ZNF804B: variants seen among roughly 807,000 people sequenced by gnomAD.
ZNF804B encodes zinc finger protein 804B, also known as zinc finger 804B.
ZNF804B carries 80 observed loss-of-function variants against 101.4 expected under a neutral mutation model. That is an observed-to-expected ratio of 0.79 (90% CI 0.66 to 0.95). The LOEUF is 0.95. ZNF804B is among the 40% of genes least tolerant of loss of function. The probability of loss-of-function intolerance (pLI) is 0.00; values close to 1 mark genes in which losing one functional copy is unlikely to be tolerated. For synonymous variants in ZNF804B, 622 were observed against 558.8 expected (o/e 1.11, Z -1.59); for missense variants, 1,673 against 1,561.9 (o/e 1.07, Z -1.20).
intron 1 of ZNF804B, among the ~76,000 whole-genome samples, chr7:89,212,611 A>G (rs75411043): frequency 0.036 from 5,448 of 152,228 alleles, 303 homozygotes; most frequent in African/African-American, 0.12. Context: ...AAGTGCTACT[A>G]CAAAACAGGA....
At position 89,238,936 on chromosome 7, in the gene ZNF804B, T is replaced by C. The variant is rs117050243; in HGVS notation, c.249+20641T>C. Among the ~76,000 whole-genome samples, 16 of 152,290 alleles carry C rather than the reference T, an allele frequency of 1.1e-4. No homozygotes were observed. In the East Asian group the frequency reaches 2.9e-3, roughly 28 times the overall value. On this transcript the variant is annotated intron_variant, in intron 2 of 3. Coordinates refer to ENST00000333190, the MANE Select transcript of ZNF804B (RefSeq NM_181646.5). ...TTAAAGCTTCAGTTGTTGGAAAATA[T>C]CTTTTCCATTGAGCTTCAAGTCTAC... is the stretch of plus-strand genomic sequence containing the variant.
intron 1 of ZNF804B, among the ~76,000 whole-genome samples, chr7:88,884,419 TTATATC>T (rs1297513234): frequency 1.3e-5 from 2 of 151,888 alleles, no homozygotes; most frequent in East Asian, 1.9e-4. Flanking sequence ...TTATTTTGCT[TTATATC>T]TATATATCTA....
At chr7:89,283,887 A>G (rs1790136452) in intron 2 of ZNF804B, among the ~76,000 whole-genome samples, 1 of 152,150 alleles carries the variant, frequency 6.6e-6, no homozygotes, top group South Asian at 2.1e-4. Flanking sequence ...TGGTTTAAAA[A>G]ACTTCAAGTC....
At chr7:88,990,327 A>C (rs1317467172) in intron 1 of ZNF804B, among the ~76,000 whole-genome samples, 4 of 152,030 alleles carry the variant, frequency 2.6e-5, no homozygotes, top group Non-Finnish European at 4.4e-5. Context: ...AAATAAGTGG[A>C]TTGTATCCTT....
intron 1 of ZNF804B, among the ~76,000 whole-genome samples, chr7:88,914,267 A>C (rs906016015): frequency 1.3e-5 from 2 of 152,202 alleles, no homozygotes; most frequent in Non-Finnish European, 2.9e-5. Context: ...AGGGTAATCT[A>C]AAATGGCTTA....
chr7:89,316,825 C>T (rs530475312), intron 2 of ZNF804B, among the ~76,000 whole-genome samples: 1 of 151,798 alleles, frequency 6.6e-6, no homozygotes, highest in Admixed American at 6.6e-5. Flanking sequence ...CTGAGCAGCA[C>T]GGAGGCATGA....
At chr7:89,278,490 C>G (rs139061821) in intron 2 of ZNF804B, among the ~76,000 whole-genome samples, 2 of 150,698 alleles carry the variant, frequency 1.3e-5, no homozygotes, top group East Asian at 3.9e-4. Flanking sequence ...TTAGGTCTAA[C>G]GTTTCAGTCT....
chr7:89,183,193 T>C (rs1788324549), intron 1 of ZNF804B, among the ~76,000 whole-genome samples: 2 of 151,752 alleles, frequency 1.3e-5, no homozygotes, highest in African/African-American at 2.4e-5. Flanking sequence ...AGAAAAAAAA[T>C]GGGTATTAAT....
At chr7:89,018,684 T>C (rs1409754939) in intron 1 of ZNF804B, among the ~76,000 whole-genome samples, 1 of 152,110 alleles carries the variant, frequency 6.6e-6, no homozygotes, top group Non-Finnish European at 1.5e-5. Flanking sequence ...CTTCTTAGTA[T>C]TGGTCTGTTC....
In ZNF804B at chr7:88,761,415, T is replaced by C. The variant is rs1215380187; in HGVS notation, c.108+1331T>C. 2.0e-5 allele frequency among the ~76,000 whole-genome samples: 3 copies of C among 152,272 alleles called. No individual in the cohort carries two copies. In the East Asian group the frequency reaches 5.8e-4, roughly 29 times the overall value. On this transcript the variant is annotated intron_variant, in intron 1 of 3. Coordinates refer to ENST00000333190, the MANE Select transcript of ZNF804B (RefSeq NM_181646.5). ...TTAGCAGGCACTTGCAGAGTTCTAG[T>C]TTAATAAAGCCCACATTCAGTCCCT...
intron 3 of ZNF804B, among the ~76,000 whole-genome samples, chr7:89,333,161 A>G (rs1339769721): frequency 6.6e-6 from 1 of 151,986 alleles, no homozygotes; most frequent in African/African-American, 2.4e-5. Context: ...ATTGCAAAAT[A>G]CTACATGTAA....
At chr7:88,899,026 A>G (rs1792350161) in intron 1 of ZNF804B, among the ~76,000 whole-genome samples, 1 of 152,154 alleles carries the variant, frequency 6.6e-6, no homozygotes, top group Non-Finnish European at 1.5e-5. Context: ...ATGCAGGTAC[A>G]CATCCCCATC....
At chr7:88,980,822 G>T (rs1793683623) in intron 1 of ZNF804B, among the ~76,000 whole-genome samples, 1 of 152,010 alleles carries the variant, frequency 6.6e-6, no homozygotes, top group South Asian at 2.1e-4. Context: ...CCTTGCTACT[G>T]CTGATGTTCA....
intron 1 of ZNF804B, among the ~76,000 whole-genome samples, chr7:89,096,020 TG>T (rs1456755966): frequency 6.6e-6 from 1 of 151,884 alleles, no homozygotes; most frequent in Non-Finnish European, 1.5e-5. Context: ...CCGGGCATGG[TG>T]GCGGGTGCCT....
rs1461334294 is a variant in ZNF804B at position 89,193,485 on chromosome 7, C to T, written c.109-24670C>T. On this transcript the variant is annotated intron_variant, in intron 1 of 3. Coordinates refer to ENST00000333190, the MANE Select transcript of ZNF804B (RefSeq NM_181646.5). ...CCCTCCCCCCACCCCACAACAGTCC[C>T]CAGAGTGTGATGTTCCCCTTCATGT... Among the ~76,000 whole-genome samples, 4 of 129,826 alleles carry T rather than the reference C, an allele frequency of 3.1e-5. No homozygotes were observed. In the South Asian group the frequency reaches 1.2e-3, roughly 38 times the overall value. 85.2% of individuals were successfully genotyped at this position (129,826 alleles called of 152,430 possible).
At chr7:88,846,280 A>G (rs1328028559) in intron 1 of ZNF804B, among the ~76,000 whole-genome samples, 1 of 152,236 alleles carries the variant, frequency 6.6e-6, no homozygotes, top group African/African-American at 2.4e-5. Flanking sequence ...GGTAGGTACT[A>G]GATATGCTTA....
At chr7:89,007,784 C>T (rs28378812) in intron 1 of ZNF804B, among the ~76,000 whole-genome samples, 18,527 of 150,474 alleles carry the variant, frequency 0.12, 1,697 homozygotes, top group East Asian at 0.28. Context: ...TTATTTAACT[C>T]ATTAATTAAT....
intron 2 of ZNF804B, among the ~76,000 whole-genome samples, chr7:89,313,575 A>G (rs1790676367): frequency 6.6e-6 from 1 of 152,174 alleles, no homozygotes. Flanking sequence ...TTCTTCACTT[A>G]TTTATTCACA....
intron 1 of ZNF804B, among the ~76,000 whole-genome samples, chr7:88,874,283 G>A (rs1791887568): frequency 1.3e-5 from 2 of 152,010 alleles, no homozygotes; most frequent in South Asian, 4.2e-4. Flanking sequence ...TCTGTTGTTG[G>A]TGTATAAGAA....
Sources: allele counts gnomAD v4.1 joint callset (sites outside exome capture counted in the v4.1 genomes callset), GRCh38; gene constraint gnomAD v4.1.1; transcripts MANE v1.5; gene names NCBI Gene and HGNC (gene_info 2026-07-23, HGNC 2026-07-21).